Variants in KRT85 observed in about 807,000 individuals in gnomAD.
The protein encoded by KRT85 is keratin, type II cuticular Hb5.
In KRT85, 39 loss-of-function variants were observed where a neutral mutation model predicts 53.7. That is an observed-to-expected ratio of 0.73 (90% CI 0.56 to 0.95). KRT85 has a LOEUF of 0.95. Ranked by LOEUF, KRT85 falls within the 40% of genes least tolerant of loss-of-function variation. KRT85 has a pLI of 0.00. For missense variants in KRT85, 668 were observed against 686.0 expected, an observed-to-expected ratio of 0.97 and a Z score of 0.29; for synonymous variants, 291 against 277.5, an observed-to-expected ratio of 1.05 and a Z score of -0.48.
chr12:52,366,658 C>G (rs1939275047), intron 1 of KRT85, among the ~76,000 whole-genome samples: 1 of 145,890 alleles, frequency 6.9e-6, no homozygotes, highest in Non-Finnish European at 1.5e-5. Flanking sequence ...CATACACACA[C>G]ATATGCTCAC....
At chr12:52,363,462 G>C in intron 4 of KRT85, 52 bp from the exon 5 acceptor site, 1 of 1,602,540 alleles carries the variant, frequency 6.2e-7, no homozygotes, top group Non-Finnish European at 8.5e-7. Flanking sequence ...TCTGGGCCAC[G>C]TGATCCACCC....
chr12:52,367,216 G>A lies in KRT85; in HGVS notation c.190C>T (p.Pro64Ser), dbSNP rs200758226. 2 of 1,613,360 alleles carry A rather than the reference G, an allele frequency of 1.2e-6. No homozygotes were observed. The highest frequency in any genetic ancestry group is 2.7e-5 in the African/African-American group (2 of 74,938). The change falls in exon 1 of 9, where the codon CCC becomes TCC. Residue 64 changes from proline (P) to serine (S), a missense_variant. This residue lies in a region of KRT85 where 158 missense variants were observed against 141.8 expected (regional missense o/e 1.11). Transcript: ENST00000257901. ...RSLCNLGSCGPRIAVGGFRAG... is the reference protein window; with the variant it reads ...RSLCNLGSCGSRIAVGGFRAG... ...CGGAAGCCACCTACAGCTATCCGGG[G>A]CCCGCAGGAGCCCAGGTTGCAGAGG...
Position 52,367,162 on chromosome 12 carries a change from A to T in KRT85, c.244T>A (p.Tyr82Asn), listed in dbSNP as rs539675876. ...RAGSCGRSFG[Y>N]RSGGVCGPSP... ...GGTCCGCACACGCCCCCGGAGCGGT[A>T]GCCGAAGCTGCGTCCGCAGGAGCCG... is the stretch of plus-strand genomic sequence containing the variant. The change falls in exon 1 of 9, where the codon TAC becomes AAC. Residue 82 changes from tyrosine to asparagine, a missense_variant. Physicochemically the swap from Tyr to Asn is moderately radical, Grantham distance 143 (BLOSUM62 -2). Coordinates refer to ENST00000257901, the MANE Select transcript of KRT85 (RefSeq NM_002283.4). The T allele has an allele frequency of 6.2e-7, 1 of 1,613,668 alleles. No homozygotes were observed. The highest frequency in any genetic ancestry group is 8.5e-7 in the Non-Finnish European group (1 of 1,180,036).
In KRT85 at chr12:52,363,372, C is replaced by T. The variant is rs1200549269; in HGVS notation, c.825G>A (p.Ser275=). 15 of 1,613,996 alleles carry T rather than the reference C, an allele frequency of 9.3e-6. No individual in the cohort carries two copies. The highest frequency in any genetic ancestry group is 1.1e-5 in the Non-Finnish European group (13 of 1,180,042). ...GGCTGTTGTCCATCTTGACTATGAC[C>T]GAGGTGTCTGAGATGTGGGCTTGGA... ...RVLQAHISDT[S]VIVKMDNSRD... Residue 275 remains serine (S), a synonymous_variant, in exon 5 of 9, where the codon TCG becomes TCA. Coordinates refer to ENST00000257901, the MANE Select transcript of KRT85 (RefSeq NM_002283.4).
At position 52,364,317 on chromosome 12, in the gene KRT85, C is replaced by A. The variant is rs141072357; in HGVS notation, c.679G>T (p.Val227Phe). ...GACCAGCCCCTCACCTTCTTTAGAA[C>A]GACAAACTCATTCTCTGCTGTGGCT... is the stretch of plus-strand genomic sequence containing the variant. ...LRATAENEFVVLKKDVDCAYL... is the reference protein window; with the variant it reads ...LRATAENEFVFLKKDVDCAYL... Residue 227 changes from valine to phenylalanine, a missense_variant, in exon 3 of 9, where the codon GTT becomes TTT. Coordinates refer to ENST00000257901, the MANE Select transcript of KRT85 (RefSeq NM_002283.4). 7 of 1,614,064 alleles carry A rather than the reference C, an allele frequency of 4.3e-6. No individual in the cohort carries two copies. Among genetic ancestry groups the A allele is most frequent in the Non-Finnish European group, 5.9e-6 (7 of 1,180,036 alleles).
chr12:52,364,236 G>A, intron 3 of KRT85, 70 bp downstream of exon 3: 1 of 1,611,344 alleles, frequency 6.2e-7, no homozygotes, highest in East Asian at 2.2e-5. Flanking sequence ...GGTCAGCATG[G>A]TGACCCTGCC....
chr12:52,367,451 G>A lies in KRT85; in HGVS notation c.-46C>T. ...CTGAGAGGCAGCGGAAGGTGGTGCG[G>A]GCGGCAGAGTGCGAGGCTCAGGATC... On this transcript the variant is annotated 5_prime_UTR_variant, in exon 1 of 9. Transcript: ENST00000257901. 1 of 1,600,660 alleles carries A rather than the reference G, an allele frequency of 6.2e-7. No homozygotes were observed. Among genetic ancestry groups the A allele is most frequent in the Non-Finnish European group, 8.5e-7 (1 of 1,169,964 alleles).
intron 8 of KRT85, among the ~76,000 whole-genome samples, 195 bp downstream of exon 8, chr12:52,361,272 C>T (rs977108492): frequency 1.3e-5 from 2 of 152,328 alleles, no homozygotes; most frequent in Non-Finnish European, 1.5e-5. Context: ...AGGTCCATGG[C>T]CTATAGCTCA....
In KRT85 at chr12:52,360,722, G is replaced by A; in HGVS notation, c.*131C>T. 9.3e-7 allele frequency: 1 copy of A among 1,077,214 alleles called. No individual in the cohort carries two copies. The highest frequency in any genetic ancestry group is 1.4e-6 in the Non-Finnish European group (1 of 706,712). 66.7% of individuals were successfully genotyped at this position (1,077,214 alleles called of 1,614,324 possible). On this transcript the variant is annotated 3_prime_UTR_variant, in exon 9 of 9. Transcript: ENST00000257901. The stretch of plus-strand genomic sequence containing the variant: ...GAGCGGCCCGAGGGTCTTTCCCTCT[G>A]TAGGTCTTTCCCTCTGTAGGAACAT...
At chr12:52,364,514 T>C (rs1048227710) in intron 2 of KRT85, 148 bp from the exon 3 acceptor site, 4 of 1,519,300 alleles carry the variant, frequency 2.6e-6, no homozygotes, top group Non-Finnish European at 3.5e-6. Flanking sequence ...TTTTGTATTA[T>C]TCATGGGCCA....
intron 1 of KRT85, 73 bp downstream of exon 1, chr12:52,366,913 C>G: frequency 6.2e-7 from 1 of 1,613,292 alleles, no homozygotes; most frequent in Non-Finnish European, 8.5e-7. Context: ...ATCCTGTCTC[C>G]TCAGCAGACT....
At chr12:52,364,819 C>T (rs186545597) in intron 2 of KRT85, 143 bp downstream of exon 2, 400 of 1,487,072 alleles carry the variant, frequency 2.7e-4, no homozygotes, top group Non-Finnish European at 3.6e-4. Context: ...CTGAAGAAAT[C>T]TAGGCCCCAC....
intron 5 of KRT85, 39 bp from the exon 6 acceptor site, chr12:52,363,018 G>A (rs1939217011): frequency 1.2e-6 from 2 of 1,614,008 alleles, no homozygotes; most frequent in Non-Finnish European, 1.7e-6. Context: ...TCAGGGTGGG[G>A]CCCCCCATCC....
At chr12:52,365,605 A>G (rs1173973399) in intron 1 of KRT85, among the ~76,000 whole-genome samples, 1 of 152,204 alleles carries the variant, frequency 6.6e-6, no homozygotes, top group Non-Finnish European at 1.5e-5. Flanking sequence ...TTATGCAACA[A>G]ACACTTATTA....
chr12:52,361,341 C>T (rs1468551162), intron 8 of KRT85, 126 bp downstream of exon 8: 1 of 902,726 alleles, frequency 1.1e-6, no homozygotes. Context: ...TCATGGCCCC[C>T]ACTGAGGAGC....
Position 52,362,992 on chromosome 12 carries a change from G to C in KRT85, c.952-13C>G, listed in dbSNP as rs778524167. On this transcript the variant is annotated splice_polypyrimidine_tract_variant and intron_variant, in intron 5 of 8. Transcript: ENST00000257901. Reference sequence around the variant, plus strand: ...TCATCTCCTCACACTGGAGGAAGTAGAGATGCTCATGAGGCTCAGGGTGGG... The same window carrying C: ...TCATCTCCTCACACTGGAGGAAGTACAGATGCTCATGAGGCTCAGGGTGGG... 1.2e-6 allele frequency: 2 copies of C among 1,614,152 alleles called. No individual in the cohort carries two copies. The highest frequency in any genetic ancestry group is 1.7e-6 in the Non-Finnish European group (2 of 1,180,012).
chr12:52,362,517 A>C (rs776990922), intron 6 of KRT85, 46 bp from the exon 7 acceptor site: 1 of 1,606,116 alleles, frequency 6.2e-7, no homozygotes, highest in Non-Finnish European at 8.5e-7. Flanking sequence ...GAGAAGCCAC[A>C]GCTTGGCTCA....
In KRT85 at chr12:52,362,397, C is replaced by T; in HGVS notation, c.1152G>A (p.Lys384=). The T allele has an allele frequency of 1.2e-6, 2 of 1,614,206 alleles. No homozygotes were observed. Among genetic ancestry groups the T allele is most frequent in the Non-Finnish European group, 1.7e-6 (2 of 1,180,038 alleles). ...GEAALSDARC[K]LAELEGALQK... is the part of the protein sequence containing the mutation. ...GCAGGGCGCCCTCCAGCTCAGCCAG[C>T]TTGCAGCGGGCATCGCTGAGGGCCG... The change falls in exon 7 of 9, where the codon AAG becomes AAA. Residue 384 remains lysine, a synonymous_variant. Coordinates refer to ENST00000257901, the MANE Select transcript of KRT85 (RefSeq NM_002283.4).
intron 1 of KRT85, 77 bp from the exon 2 acceptor site, chr12:52,365,247 C>T (rs1939255939): frequency 1.9e-5 from 28 of 1,477,540 alleles, no homozygotes; most frequent in South Asian, 1.0e-4. Flanking sequence ...TCTCTGCCCT[C>T]GGGTGCTGGC....
Sources: gnomAD v4.1 joint callset for allele counts (sites outside exome capture counted in the v4.1 genomes callset) on GRCh38, gnomAD v4.1.1 for gene constraint, gnomAD v4.1.1 regional missense constraint, MANE v1.5 for transcripts, NCBI Gene and HGNC (gene_info 2026-07-23, HGNC 2026-07-21) for gene names.